The following AGAP1 variants were observed in gnomAD, a reference collection of about 807,000 sequenced individuals.
AGAP1 encodes the protein arf-GAP with GTPase, ANK repeat and PH domain-containing protein 1.
A neutral mutation model predicts 105.3 loss-of-function variants in AGAP1; 29 were observed. That is an observed-to-expected ratio of 0.28 (90% CI 0.21 to 0.38). The LOEUF (loss-of-function observed/expected upper bound fraction) is 0.38. Ranked by LOEUF, AGAP1 falls within the 10% of genes least tolerant of loss-of-function variation. AGAP1 has a pLI of 1.00. For missense variants in AGAP1, 998 were observed against 1,165.1 expected, an observed-to-expected ratio of 0.86 and a Z score of 2.09; for synonymous variants, 509 against 485.9, an observed-to-expected ratio of 1.05 and a Z score of -0.63.
chr2:235,713,004 C>G (rs1950927948), intron 2 of AGAP1, among the ~76,000 whole-genome samples: 1 of 152,176 alleles, frequency 6.6e-6, no homozygotes, highest in South Asian at 2.1e-4. Context: ...GATGGCTGTT[C>G]CAGCCAAACC....
intron 6 of AGAP1, among the ~76,000 whole-genome samples, chr2:235,771,568 A>G (rs1027074993): frequency 7.2e-5 from 11 of 152,224 alleles, no homozygotes; most frequent in African/African-American, 2.7e-4. Flanking sequence ...TGAGAGCTCC[A>G]TCTGCCCTGT....
At chr2:235,783,224 T>G in intron 6 of AGAP1, 1 of 379,282 alleles carries the variant, frequency 2.6e-6, no homozygotes, top group Non-Finnish European at 5.3e-6. Context: ...TAAGGTAGTT[T>G]ATAGCAAGAT....
rs139701328 is a variant in AGAP1, at chr2:236,007,708, A to AG, written c.1646-28850dup. 2.0e-3 allele frequency among the ~76,000 whole-genome samples: 299 copies of AG among 152,372 alleles called. 2 individuals carry two copies. Among genetic ancestry groups the AG allele is most frequent in the African/African-American group, 6.9e-3 (289 of 41,588 alleles). ...GGAGATTAAAAAGAAGAAAGGGATGAGGGAAAAAAAGAGATGAATGTTTCC... is the reference window on the plus strand; with the variant it reads ...GGAGATTAAAAAGAAGAAAGGGATGAGGGGAAAAAAAGAGATGAATGTTTCC... On this transcript the variant is annotated intron_variant, in intron 13 of 17. Transcript: ENST00000304032.
chr2:235,795,188 G>C (rs1255515118), intron 6 of AGAP1, among the ~76,000 whole-genome samples: 1 of 152,160 alleles, frequency 6.6e-6, no homozygotes, highest in Non-Finnish European at 1.5e-5. Context: ...TACCCAGCCT[G>C]CTGCTGGGTT....
At chr2:235,758,366 G>C (rs892548989) in intron 6 of AGAP1, among the ~76,000 whole-genome samples, 1 of 152,052 alleles carries the variant, frequency 6.6e-6, no homozygotes, top group South Asian at 2.1e-4. Flanking sequence ...GATCTTATTA[G>C]GCCCAGTTTA....
At chr2:235,897,962 C>T (rs1020096802) in intron 10 of AGAP1, among the ~76,000 whole-genome samples, 2 of 152,126 alleles carry the variant, frequency 1.3e-5, no homozygotes, top group East Asian at 3.9e-4. Context: ...GATTTATGTT[C>T]ATTAAGTGCT....
chr2:235,713,271 G>A (rs1950940764), intron 2 of AGAP1, among the ~76,000 whole-genome samples: 1 of 152,200 alleles, frequency 6.6e-6, no homozygotes, highest in Admixed American at 6.5e-5. Context: ...GTGCCCTTGA[G>A]CAAAAGAATA....
rs981631948 is a variant in AGAP1 at position 236,090,024 on chromosome 2, C to T, written c.2115-30168C>T. On this transcript the variant is annotated intron_variant, in intron 16 of 17. Transcript: ENST00000304032. The surrounding 1 kb of genome is among the most constrained non-coding windows in gnomAD (Gnocchi z 4.3). ...GCTCCCTGGCTGCAAATGAATCCAT[C>T]GGATACAGAAGTTTTGAGGTGAGTG... Among the ~76,000 whole-genome samples, 2 of 152,200 alleles carry T rather than the reference C, an allele frequency of 1.3e-5. No individual in the cohort carries two copies. Among genetic ancestry groups the T allele is most frequent in the Non-Finnish European group, 2.9e-5 (2 of 68,040 alleles).
At chr2:235,899,388 C>T (rs1237343104) in intron 10 of AGAP1, among the ~76,000 whole-genome samples, 1 of 152,218 alleles carries the variant, frequency 6.6e-6, no homozygotes, top group East Asian at 1.9e-4. Context: ...TTGCAGGCGC[C>T]TGTAATCCCA....
intron 1 of AGAP1, among the ~76,000 whole-genome samples, chr2:235,572,866 C>T (rs1944575860): frequency 6.6e-6 from 1 of 152,182 alleles, no homozygotes; most frequent in Non-Finnish European, 1.5e-5. Flanking sequence ...GCTGCGGGAG[C>T]TCCTGGTGTT....
chr2:235,722,891 TA>T (rs113264356), intron 3 of AGAP1, among the ~76,000 whole-genome samples: 5,679 of 143,916 alleles, frequency 0.039, 215 homozygotes, highest in African/African-American at 0.1. Context: ...GCAAATGAGC[TA>T]AAAAAAAAAA....
At chr2:236,103,398 C>T (rs924758382) in intron 16 of AGAP1, among the ~76,000 whole-genome samples, 3 of 152,120 alleles carry the variant, frequency 2.0e-5, no homozygotes, top group Admixed American at 1.3e-4. Flanking sequence ...ATTTTGTTCA[C>T]AGCCTGTGCA....
intron 1 of AGAP1, among the ~76,000 whole-genome samples, chr2:235,685,948 G>T (rs1174138355): frequency 6.6e-6 from 1 of 152,158 alleles, no homozygotes; most frequent in Non-Finnish European, 1.5e-5. Context: ...CACTCAAAGT[G>T]GGGAGGGGGC....
In AGAP1 at chr2:235,635,418, C is replaced by G. The variant is rs1946964027; in HGVS notation, c.164-73761C>G. ...TTCATCTTGCCTGGTAATAAGCCCTCCTAGGAAAACAAATTACTCTGAAAA... is the reference window on the plus strand; with the variant it reads ...TTCATCTTGCCTGGTAATAAGCCCTGCTAGGAAAACAAATTACTCTGAAAA... On this transcript the variant is annotated intron_variant, in intron 1 of 17. Coordinates refer to ENST00000304032, the MANE Select transcript of AGAP1 (RefSeq NM_001037131.3). This position sits in a 1 kb window ranked among gnomAD's most constrained non-coding sequence, Gnocchi z 5.3. Among the ~76,000 whole-genome samples, 1 of 152,026 alleles carries G rather than the reference C, an allele frequency of 6.6e-6. No homozygotes were observed. Among genetic ancestry groups the G allele is most frequent in the Non-Finnish European group, 1.5e-5 (1 of 67,982 alleles).
Position 235,737,974 on chromosome 2 carries a change from C to T in AGAP1, c.311-2989C>T, listed in dbSNP as rs1952348226. ...TGTATCTGGGGCAACCATCAGAGGGCAGGGCTGGAGCTGGGGCCCTGTAGG... is the reference window on the plus strand; with the variant it reads ...TGTATCTGGGGCAACCATCAGAGGGTAGGGCTGGAGCTGGGGCCCTGTAGG... On this transcript the variant is annotated intron_variant, in intron 3 of 17. Coordinates refer to ENST00000304032, the MANE Select transcript of AGAP1 (RefSeq NM_001037131.3). This position sits in a 1 kb window ranked among gnomAD's most constrained non-coding sequence, Gnocchi z 4.5. Among the ~76,000 whole-genome samples the T allele has an allele frequency of 6.6e-6, 1 of 152,014 alleles. No individual in the cohort carries two copies. Among genetic ancestry groups the T allele is most frequent in the Non-Finnish European group, 1.5e-5 (1 of 68,006 alleles).
chr2:235,628,298 G>C (rs1402859393), intron 1 of AGAP1, among the ~76,000 whole-genome samples: 1 of 152,198 alleles, frequency 6.6e-6, no homozygotes, highest in Non-Finnish European at 1.5e-5. Flanking sequence ...GCTCCACTTG[G>C]TGGAGGAGCT....
chr2:236,028,895 G>A (rs911883290), intron 13 of AGAP1, among the ~76,000 whole-genome samples: 2 of 152,156 alleles, frequency 1.3e-5, no homozygotes, highest in East Asian at 1.9e-4. Flanking sequence ...TCTATTCCTC[G>A]TTGGCTAAGG....
In AGAP1 at chr2:235,964,326, G is replaced by T. The variant is rs1221448393; in HGVS notation, c.1484-4136G>T. On this transcript the variant is annotated intron_variant, in intron 12 of 17. Coordinates refer to ENST00000304032, the MANE Select transcript of AGAP1 (RefSeq NM_001037131.3). This position sits in a 1 kb window ranked among gnomAD's most constrained non-coding sequence, Gnocchi z 4.6. ...GCCCCTGGCAGCCGAGGAGAGTTGC[G>T]TTTGCCTGTTCTGCTTATCTCCCTG... Among the ~76,000 whole-genome samples, 1 of 152,072 alleles carries T rather than the reference G, an allele frequency of 6.6e-6. No homozygotes were observed. Among genetic ancestry groups the T allele is most frequent in the Non-Finnish European group, 1.5e-5 (1 of 68,024 alleles).
intron 13 of AGAP1, among the ~76,000 whole-genome samples, chr2:235,998,008 A>G (rs557592148): frequency 5.9e-5 from 9 of 152,222 alleles, no homozygotes; most frequent in Non-Finnish European, 1.2e-4. Flanking sequence ...GACCCCAGGC[A>G]TTTTTAATTT....
Sources: allele counts gnomAD v4.1 joint callset (sites outside exome capture counted in the v4.1 genomes callset), GRCh38; gene constraint gnomAD v4.1.1; non-coding constraint Gnocchi (gnomAD v3.1); transcripts MANE v1.5; gene names NCBI Gene and HGNC (gene_info 2026-07-23, HGNC 2026-07-21).